Variants in ZNF350 observed in about 807,000 individuals in gnomAD.
ZNF350 encodes the protein KRAB zinc finger protein ZFQR.
A neutral mutation model predicts 13.1 loss-of-function variants in ZNF350; 5 were observed. The ratio of observed to expected loss-of-function variants is 0.38; its 90% CI spans 0.20 to 0.80. ZNF350 has a LOEUF of 0.80. Among genes scored for constraint, ZNF350 ranks in the 30% least tolerant of loss-of-function variants. The probability of loss-of-function intolerance (pLI) is 0.43; values close to 1 mark genes in which losing one functional copy is unlikely to be tolerated. For missense variants in ZNF350, 534 were observed against 644.2 expected, an observed-to-expected ratio of 0.83 and a Z score of 1.85; for synonymous variants, 199 against 224.2, an observed-to-expected ratio of 0.89 and a Z score of 1.00.
chr19:51,978,927 A>T (rs949298002), intron 1 of ZNF350, among the ~76,000 whole-genome samples: 7 of 152,202 alleles, frequency 4.6e-5, no homozygotes, highest in African/African-American at 1.7e-4. Context: ...AAGGCCCGGT[A>T]GATTTACTGA....
Position 51,965,071 on chromosome 19 carries a change from G to C in ZNF350, c.1382C>G (p.Thr461Ser), listed in dbSNP as rs780698702. 2.5e-6 allele frequency: 4 copies of C among 1,614,180 alleles called. No homozygotes were observed. Among genetic ancestry groups the C allele is most frequent in the Non-Finnish European group, 3.4e-6 (4 of 1,180,038 alleles). ...AGGGGCCACAGAAGGCACTTGTGTA[G>C]TCGCCCCGTTAGCAGAGTTTTTCTC... ...MQEKNSANGA[T>S]TQVPSVAPQT... Residue 461 changes from threonine (T) to serine (S), a missense_variant, in exon 5 of 5, where the codon ACT becomes AGT. Physicochemically the swap from Thr to Ser is moderately conservative, Grantham distance 58. Transcript: ENST00000243644.
Position 51,969,128 on chromosome 19 carries a change from A to T in ZNF350, c.19T>A (p.Ser7Thr). Residue 7 changes from serine (S) to threonine (T), a missense_variant, in exon 3 of 5, where the codon TCC becomes ACC. Ser to Thr is a moderately conservative substitution (Grantham distance 58, BLOSUM62 1). Transcript: ENST00000243644. ...ACAGCCACATCCTCCAGTGTTATGG[A>T]TTCCTGTAATAACAGTCCTGTTTAA... MIQAQESITLEDVAVDF... is the reference protein window; with the variant it reads MIQAQETITLEDVAVDF... 2 of 1,613,750 alleles carry T rather than the reference A, an allele frequency of 1.2e-6. No homozygotes were observed. Among genetic ancestry groups the T allele is most frequent in the Non-Finnish European group, 8.5e-7 (1 of 1,179,762 alleles).
At chr19:51,981,897 G>A (rs936238512) in intron 1 of ZNF350, 2 of 151,974 alleles carry the variant, frequency 1.3e-5, no homozygotes, top group Admixed American at 1.3e-4. Context: ...TGACAGAACA[G>A]ACCATCAACA....
intron 2 of ZNF350, among the ~76,000 whole-genome samples, chr19:51,972,455 G>A: frequency 6.6e-6 from 1 of 150,600 alleles, no homozygotes; most frequent in East Asian, 2.0e-4. Context: ...CCCCAATGGT[G>A]ACAAATGCAT....
At chr19:51,980,127 TAAG>T (rs2085997659) in intron 1 of ZNF350, among the ~76,000 whole-genome samples, 1 of 152,252 alleles carries the variant, frequency 6.6e-6, no homozygotes, top group Non-Finnish European at 1.5e-5. Flanking sequence ...TTTTGGCAGC[TAAG>T]AAGAACCAGC....
At chr19:51,981,792 A>T (rs1484546658) in intron 1 of ZNF350, 7 of 152,206 alleles carry the variant, frequency 4.6e-5, no homozygotes, top group Non-Finnish European at 1.0e-4. Context: ...GTATACCCCT[A>T]ACAACAGTCT....
chr19:51,983,334 G>A (rs756395213), intron 1 of ZNF350, among the ~76,000 whole-genome samples: 2 of 152,148 alleles, frequency 1.3e-5, no homozygotes, highest in African/African-American at 2.4e-5. Context: ...ATATGGTCTC[G>A]TGGGAAGGGA....
At chr19:51,967,350 A>T (rs1337845348) in intron 4 of ZNF350, 3 of 152,154 alleles carry the variant, frequency 2.0e-5, no homozygotes, top group Non-Finnish European at 2.9e-5. Context: ...GGTTGCGGTG[A>T]GCCAAGTTCA....
At position 51,980,924 on chromosome 19, in the gene ZNF350, T is replaced by G. The variant is rs117334793; in HGVS notation, c.-172+5846A>C. The G allele has an allele frequency of 0.019, 2,921 of 152,318 alleles. 51 individuals are homozygous for G. The highest frequency in any genetic ancestry group is 0.021 in the Admixed American group (320 of 15,300). The allele number at this position is 152,318 out of a possible 1,614,324, so 9.4% of individuals were successfully genotyped here. A position where few individuals can be genotyped will look rare whatever the true frequency, so the allele number is the denominator to read the frequency against. ...TTGTTTTGTCTCTGTCTTCGGTTTA[T>G]AGTCTGTAAAATCGGATGGACCACC... On this transcript the variant is annotated intron_variant, in intron 1 of 4. Transcript: ENST00000243644.
At chr19:51,985,822 C>T (rs1222560635) in intron 1 of ZNF350, among the ~76,000 whole-genome samples, 3 of 152,128 alleles carry the variant, frequency 2.0e-5, no homozygotes, top group East Asian at 1.9e-4. Flanking sequence ...ACCTGCCCAA[C>T]GTGGTAAAAC....
chr19:51,985,195 C>A (rs1050312437), intron 1 of ZNF350, among the ~76,000 whole-genome samples: 2 of 152,046 alleles, frequency 1.3e-5, no homozygotes, highest in African/African-American at 4.8e-5. Context: ...AGGAAGAGAT[C>A]AACCATACCA....
At position 51,965,853 on chromosome 19, in the gene ZNF350, T is replaced by G; in HGVS notation, c.600A>C (p.Arg200=). 1 of 1,614,170 alleles carries G rather than the reference T, an allele frequency of 6.2e-7. No individual in the cohort carries two copies. Among genetic ancestry groups the G allele is most frequent in the Non-Finnish European group, 8.5e-7 (1 of 1,180,036 alleles). Residue 200 remains arginine, a synonymous_variant, in exon 5 of 5, where the codon CGA becomes CGC. Transcript: ENST00000243644. ...QFISPKHQKT[R]KLEKHHVCSE... ...TGCACACATGATGCTTCTCTAATTTTCGTGTTTTCTGATGCTTGGGACTGA... is the reference window on the plus strand; with the variant it reads ...TGCACACATGATGCTTCTCTAATTTGCGTGTTTTCTGATGCTTGGGACTGA...
chr19:51,973,984 T>C, intron 2 of ZNF350: 1 of 171,018 alleles, frequency 5.8e-6, no homozygotes, highest in South Asian at 1.4e-4. Flanking sequence ...CATGAAATAA[T>C]GGCAACCCCC....
intron 1 of ZNF350, among the ~76,000 whole-genome samples, chr19:51,983,436 G>A (rs1463750372): frequency 6.6e-6 from 1 of 152,294 alleles, no homozygotes; most frequent in South Asian, 2.1e-4. Flanking sequence ...GTTAAAATAA[G>A]AGAAAGCCAT....
In ZNF350 at chr19:51,964,681, A is replaced by T. The variant is rs4986769; in HGVS notation, c.*173T>A. ...TGACACAGTCGAGCAATTGCTGTGT[A>T]TGTGCTTAGGTTAACATCAAATTTG... is the stretch of plus-strand genomic sequence containing the variant. On this transcript the variant is annotated 3_prime_UTR_variant, in exon 5 of 5. Coordinates refer to ENST00000243644, the MANE Select transcript of ZNF350 (RefSeq NM_021632.4). The T allele has an allele frequency of 0.021, 14,053 of 674,430 alleles. 235 individuals carry two copies. Among genetic ancestry groups the T allele is most frequent in the South Asian group, 0.022 (970 of 44,050 alleles). 41.8% of individuals were successfully genotyped at this position (674,430 alleles called of 1,614,324 possible). A position where few individuals can be genotyped will look rare whatever the true frequency, so the allele number is the denominator to read the frequency against.
At position 51,966,189 on chromosome 19, in the gene ZNF350, C is replaced by CAGG. The variant is rs1311808565; in HGVS notation, c.263_264insCCT (p.Leu88dup). On this transcript the variant is annotated inframe_insertion, in exon 5 of 5. Coordinates refer to ENST00000243644, the MANE Select transcript of ZNF350 (RefSeq NM_021632.4). ...CCAGGCTTTCACTCTGCAAGCGCTCCAGCACATGATCAACTTTCCATATGT... is the reference window on the plus strand; with the variant it reads ...CCAGGCTTTCACTCTGCAAGCGCTCCAGGAGCACATGATCAACTTTCCATATGT... The CAGG allele has an allele frequency of 6.3e-7, 1 of 1,589,018 alleles. No individual in the cohort carries two copies.
chr19:51,970,083 C>T (rs1173568014), intron 2 of ZNF350, among the ~76,000 whole-genome samples: 119 of 105,710 alleles, frequency 1.1e-3, no homozygotes, highest in Non-Finnish European at 2.2e-4. Flanking sequence ...TTTTTTGAGA[C>T]GGAGTTTTGC....
At chr19:51,968,096 G>A (rs2085628856) in intron 4 of ZNF350, among the ~76,000 whole-genome samples, 2 of 152,118 alleles carry the variant, frequency 1.3e-5, no homozygotes, top group Non-Finnish European at 2.9e-5. Flanking sequence ...AAAGAGAAGC[G>A]AAGGAAGCCA....
At chr19:51,975,056 T>C (rs1182173402) in intron 1 of ZNF350, among the ~76,000 whole-genome samples, 1 of 152,208 alleles carries the variant, frequency 6.6e-6, no homozygotes, top group Non-Finnish European at 1.5e-5. Flanking sequence ...AATAATTTAC[T>C]GGATAATTAG....
Sources: allele counts gnomAD v4.1 joint callset (sites outside exome capture counted in the v4.1 genomes callset), GRCh38; gene constraint gnomAD v4.1.1; transcripts MANE v1.5; gene names NCBI Gene and HGNC (gene_info 2026-07-23, HGNC 2026-07-21).